Variants in EXD1 observed in about 807,000 individuals in gnomAD.
The protein encoded by EXD1 is exonuclease 3'-5' domain containing 1.
Under a neutral mutation model 49.1 loss-of-function variants are expected in EXD1, and 63 were observed. The ratio of observed to expected loss-of-function variants is 1.28; its 90% confidence interval spans 1.05 to 1.58. EXD1 has a LOEUF of 1.58. Among genes scored for constraint, EXD1 ranks in the 40% most tolerant of loss-of-function variants. The pLI, the probability that EXD1 is intolerant of heterozygous loss-of-function variation, is 0.00. For missense variants in EXD1, 748 were observed against 666.0 expected (o/e 1.12, Z -1.36); for synonymous variants, 234 against 239.2 (o/e 0.98, Z 0.20).
intron 7 of EXD1, among the ~76,000 whole-genome samples, chr15:41,200,703 G>A (rs1476995091): frequency 6.6e-6 from 1 of 152,056 alleles, no homozygotes; most frequent in Non-Finnish European, 1.5e-5. Context: ...GAAGTTGAGG[G>A]CAGTCTTGTG....
At chr15:41,204,791 C>T (rs949304064) in intron 7 of EXD1, among the ~76,000 whole-genome samples, 1 of 152,014 alleles carries the variant, frequency 6.6e-6, no homozygotes, top group African/African-American at 2.4e-5. Flanking sequence ...CATACACACA[C>T]ATATAGATAA....
At chr15:41,222,391 T>C (rs1338914142) in intron 2 of EXD1, among the ~76,000 whole-genome samples, 6 of 152,246 alleles carry the variant, frequency 3.9e-5, no homozygotes, top group Admixed American at 3.9e-4. Context: ...GCTGAGATTA[T>C]AGGCATGAGC....
At chr15:41,216,631 C>G (rs535189079) in intron 5 of EXD1, 37 bp downstream of exon 5, 2 of 1,137,770 alleles carry the variant, frequency 1.8e-6, no homozygotes, top group Non-Finnish European at 2.4e-6. Flanking sequence ...AACTCCATCT[C>G]AAAAAAAAAA....
At chr15:41,213,918 T>G (rs1025926294) in intron 6 of EXD1, among the ~76,000 whole-genome samples, 8 of 152,226 alleles carry the variant, frequency 5.3e-5, no homozygotes, top group African/African-American at 1.7e-4. Context: ...TGCTATTTTT[T>G]AATAAAAATC....
rs765277404 is a variant in EXD1 at position 41,190,099 on chromosome 15, A to T, written c.894T>A (p.Pro298=). The T allele has an allele frequency of 3.5e-5, 56 of 1,614,088 alleles. 1 individual carries two copies. The highest frequency in any genetic ancestry group is 4.5e-5 in the Non-Finnish European group (53 of 1,180,034). The change falls in exon 11 of 12, where the codon CCT becomes CCA. Residue 298 remains proline (P), a synonymous_variant. Transcript: ENST00000458580. ...QENPEVWFIR[P]VSPSLLKILA... ...AAATTTTCAGTAAAGAGGGTGAAACAGGTCGGATGAACCATACTTCTGGAT... is the reference window on the plus strand; with the variant it reads ...AAATTTTCAGTAAAGAGGGTGAAACTGGTCGGATGAACCATACTTCTGGAT...
intron 7 of EXD1, among the ~76,000 whole-genome samples, chr15:41,199,046 C>T (rs1017018060): frequency 1.3e-5 from 2 of 151,386 alleles, no homozygotes; most frequent in African/African-American, 4.9e-5. Context: ...TCACTGCAAC[C>T]TCTGCCTCCT....
chr15:41,210,725 T>C (rs1365115510), intron 6 of EXD1, among the ~76,000 whole-genome samples: 2 of 152,144 alleles, frequency 1.3e-5, no homozygotes, highest in Non-Finnish European at 2.9e-5. Flanking sequence ...GTCCTTTGAT[T>C]ATCTATAATC....
chr15:41,221,828 C>T (rs768936182), intron 2 of EXD1, among the ~76,000 whole-genome samples: 4 of 151,952 alleles, frequency 2.6e-5, no homozygotes, highest in Non-Finnish European at 5.9e-5. Context: ...TAAGGCCAAG[C>T]GCGGTGGTTC....
chr15:41,187,565 C>A (rs1433072855), intron 11 of EXD1, among the ~76,000 whole-genome samples: 1 of 152,024 alleles, frequency 6.6e-6, no homozygotes, highest in Non-Finnish European at 1.5e-5. Context: ...ACCAATAATG[C>A]ATGTAGAGTA....
intron 3 of EXD1, among the ~76,000 whole-genome samples, chr15:41,219,307 A>G (rs908450340): frequency 3.3e-5 from 5 of 152,182 alleles, no homozygotes; most frequent in Non-Finnish European, 7.3e-5. Context: ...CTTGGTGGCA[A>G]AACTTGACCA....
chr15:41,201,485 A>ATT (rs10618622), intron 7 of EXD1, among the ~76,000 whole-genome samples: 1 of 89,184 alleles, frequency 1.1e-5, no homozygotes, highest in African/African-American at 4.3e-5. Flanking sequence ...AGAATTCTAG[A>ATT]TTTTTTTTTT....
chr15:41,190,630 G>A (rs1454468514), intron 10 of EXD1, among the ~76,000 whole-genome samples: 2 of 152,114 alleles, frequency 1.3e-5, no homozygotes, highest in Non-Finnish European at 2.9e-5. Flanking sequence ...TACATTAACA[G>A]TGTGTGTGTA....
At chr15:41,214,067 T>G (rs1038550877) in intron 6 of EXD1, among the ~76,000 whole-genome samples, 3 of 152,236 alleles carry the variant, frequency 2.0e-5, no homozygotes, top group Non-Finnish European at 4.4e-5. Context: ...CTCGGGAGGC[T>G]GAGGCAGGAG....
At chr15:41,211,975 G>C (rs887045413) in intron 6 of EXD1, among the ~76,000 whole-genome samples, 1 of 151,276 alleles carries the variant, frequency 6.6e-6, no homozygotes, top group African/African-American at 2.4e-5. Flanking sequence ...AAAAATAAAA[G>C]GCAAAGGATC....
At chr15:41,222,602 C>A (rs1303236380) in intron 2 of EXD1, among the ~76,000 whole-genome samples, 2 of 151,452 alleles carry the variant, frequency 1.3e-5, no homozygotes, top group East Asian at 1.9e-4. Flanking sequence ...ACCTGTCTAC[C>A]TATTTGTCTA....
Position 41,182,990 on chromosome 15 carries a change from TTAAAA to T in EXD1, c.*936_*940del, listed in dbSNP as rs1379638911. The T allele has an allele frequency of 6.6e-6, 1 of 151,950 alleles. No homozygotes were observed. The highest frequency in any genetic ancestry group is 2.4e-5 in the African/African-American group (1 of 41,388). The allele number at this position is 151,950 out of a possible 1,614,324, so 9.4% of individuals were successfully genotyped here. ...TAAAAATAAAGGAAATAAAAACAAA[TTAAAA>T]TAAAGATATTGGCTGGGCACCGTGC... On this transcript the variant is annotated 3_prime_UTR_variant, in exon 12 of 12. Transcript: ENST00000458580.
In EXD1 at chr15:41,219,811, A is replaced by C; in HGVS notation, c.202+19T>G. Reference sequence around the variant, plus strand: ...TGAAATCTCAGTACTAGCATTTTCAAGGAACATGGGGGTCTCACCATTCAC... The same window carrying C: ...TGAAATCTCAGTACTAGCATTTTCACGGAACATGGGGGTCTCACCATTCAC... On this transcript the variant is annotated intron_variant, in intron 3 of 11. Transcript: ENST00000458580. 1 of 1,528,958 alleles carries C rather than the reference A, an allele frequency of 6.5e-7. No individual in the cohort carries two copies. Among genetic ancestry groups the C allele is most frequent in the Non-Finnish European group, 8.8e-7 (1 of 1,141,246 alleles). 94.7% of individuals were successfully genotyped at this position (1,528,958 alleles called of 1,614,324 possible). A position where few individuals can be genotyped will look rare whatever the true frequency, so the allele number is the denominator to read the frequency against.
intron 6 of EXD1, among the ~76,000 whole-genome samples, chr15:41,213,824 A>C (rs1441191575): frequency 6.6e-6 from 1 of 152,176 alleles, no homozygotes; most frequent in Non-Finnish European, 1.5e-5. Context: ...TGCTTTACTT[A>C]CAACTCTGTG....
chr15:41,188,078 A>G (rs1294786462), intron 11 of EXD1, among the ~76,000 whole-genome samples: 2 of 151,764 alleles, frequency 1.3e-5, no homozygotes, highest in Non-Finnish European at 2.9e-5. Flanking sequence ...CATAAGTAAA[A>G]GTGGTTTATA....
Sources: gnomAD v4.1 joint callset for allele counts (sites outside exome capture counted in the v4.1 genomes callset) on GRCh38, gnomAD v4.1.1 for gene constraint, MANE v1.5 for transcripts, NCBI Gene and HGNC (gene_info 2026-07-23, HGNC 2026-07-21) for gene names.